COL14A1: variants seen among roughly 807,000 people sequenced by gnomAD.
COL14A1 encodes collagen alpha-1(XIV) chain.
Under a neutral mutation model 230.3 loss-of-function variants are expected in COL14A1, and 136 were observed. That is an observed-to-expected ratio of 0.59 (90% confidence interval 0.51 to 0.68). The LOEUF (loss-of-function observed/expected upper bound fraction) is 0.68, where lower values mean the gene tolerates loss of function less well. Among genes scored for constraint, COL14A1 ranks in the 30% least tolerant of loss-of-function variants. The probability of loss-of-function intolerance (pLI) is 0.00; values close to 1 mark genes in which losing one functional copy is unlikely to be tolerated. For missense variants in COL14A1, 1,976 were observed against 2,215.8 expected (o/e 0.89, Z 2.17); for synonymous variants, 792 against 784.1 (o/e 1.01, Z -0.17).
intron 5 of COL14A1, among the ~76,000 whole-genome samples, chr8:120,171,365 C>T (rs776498305): frequency 5.8e-4 from 88 of 152,246 alleles, no homozygotes; most frequent in Non-Finnish European, 1.0e-3. Context: ...AGTTATTTTG[C>T]TCACCATTTC....
At chr8:120,194,149 A>G (rs547943936) in intron 5 of COL14A1, among the ~76,000 whole-genome samples, 32 of 152,130 alleles carry the variant, frequency 2.1e-4, no homozygotes, top group Middle Eastern at 6.8e-3. Context: ...CGTCACTCAC[A>G]CTGGAAGCTG....
At chr8:120,167,098 T>C (rs1195725288) in intron 4 of COL14A1, among the ~76,000 whole-genome samples, 1 of 152,090 alleles carries the variant, frequency 6.6e-6, no homozygotes, top group Non-Finnish European at 1.5e-5. Flanking sequence ...ATTTAATCTC[T>C]GGGTAGCAGA....
intron 18 of COL14A1, among the ~76,000 whole-genome samples, chr8:120,229,553 A>G (rs1370618413): frequency 2.6e-5 from 4 of 152,204 alleles, no homozygotes; most frequent in African/African-American, 9.6e-5. Context: ...GCTATCGTGA[A>G]TAGTGCCACA....
chr8:120,368,948 T>C (rs895500230), intron 46 of COL14A1, among the ~76,000 whole-genome samples: 13 of 152,208 alleles, frequency 8.5e-5, no homozygotes, highest in Admixed American at 3.9e-4. Context: ...AGTGTGTTCA[T>C]GTTTGTGTCT....
At chr8:120,273,717 A>G (rs1819746601) in intron 26 of COL14A1, among the ~76,000 whole-genome samples, 2 of 151,386 alleles carry the variant, frequency 1.3e-5, no homozygotes, top group South Asian at 4.2e-4. Flanking sequence ...CCTGGAAACA[A>G]CAACCCCCCT....
upstream of COL14A1, among the ~76,000 whole-genome samples, chr8:120,124,907 C>G (rs550805076): frequency 4.6e-5 from 7 of 152,118 alleles, no homozygotes; most frequent in Non-Finnish European, 4.4e-5. Flanking sequence ...CTGGGGGGAC[C>G]GCCAGGTTCG....
chr8:120,292,547 G>A (rs1041004770), intron 34 of COL14A1, among the ~76,000 whole-genome samples: 1 of 151,900 alleles, frequency 6.6e-6, no homozygotes, highest in Non-Finnish European at 1.5e-5. Context: ...GCTTTTTGAG[G>A]GATATTACTT....
In COL14A1 at chr8:120,371,775, A is replaced by G. The variant is rs1472224752; in HGVS notation, c.*544A>G. On this transcript the variant is annotated 3_prime_UTR_variant, in exon 48 of 48. Transcript: ENST00000297848. The stretch of plus-strand genomic sequence containing the variant: ...TGGTAACTGGTTTCATGTGTATCCA[A>G]AAATCAGCATTTGGATTTAAGCTTT... The G allele has an allele frequency of 5.1e-6, 2 of 393,982 alleles. No homozygotes were observed. Among genetic ancestry groups the G allele is most frequent in the Non-Finnish European group, 4.5e-6 (1 of 222,902 alleles). The allele number at this position is 393,982 out of a possible 1,614,324, so 24.4% of individuals were successfully genotyped here.
At chr8:120,250,812 T>A in intron 22 of COL14A1, 46 bp downstream of exon 22, 1 of 1,605,392 alleles carries the variant, frequency 6.2e-7, no homozygotes, top group Non-Finnish European at 8.5e-7. Flanking sequence ...GGTTTTTGTT[T>A]TGTTTTGTTT....
chr8:120,341,487 C>G (rs1363781239), intron 43 of COL14A1, 127 bp downstream of exon 43: 21 of 1,043,638 alleles, frequency 2.0e-5, no homozygotes, highest in Non-Finnish European at 2.9e-5. Flanking sequence ...TCTGTTTCTC[C>G]CTTTCCCCAA....
intron 25 of COL14A1, among the ~76,000 whole-genome samples, chr8:120,267,828 G>A (rs11781561): frequency 0.62 from 93,460 of 151,500 alleles, 29,113 homozygotes; most frequent in African/African-American, 0.7. Flanking sequence ...AAGGAAGGGC[G>A]ATCTGATGAA....
chr8:120,311,152 G>A (rs1821023258), intron 37 of COL14A1, among the ~76,000 whole-genome samples: 1 of 152,150 alleles, frequency 6.6e-6, no homozygotes, highest in Non-Finnish European at 1.5e-5. Context: ...ACCATAAGAT[G>A]TCTCCTTTTT....
rs777422693 is a variant in COL14A1, at chr8:120,332,653, C to T, written c.4714-11C>T. 3 of 1,607,930 alleles carry T rather than the reference C, an allele frequency of 1.9e-6. No homozygotes were observed. The South Asian group carries it at 3.3e-5, about 18-fold the overall frequency. ...TCCTGACTTTGTTCCATTTTCCTAC[C>T]TCTCTTCTAGGGCATTCCTGGCACC... On this transcript the variant is annotated splice_polypyrimidine_tract_variant and intron_variant, in intron 41 of 47. Coordinates refer to ENST00000297848, the MANE Select transcript of COL14A1 (RefSeq NM_021110.4).
chr8:120,186,150 A>G (rs944165170), intron 5 of COL14A1, among the ~76,000 whole-genome samples: 2 of 152,232 alleles, frequency 1.3e-5, no homozygotes, highest in Non-Finnish European at 2.9e-5. Flanking sequence ...TTGCCAATGT[A>G]TTGAAAAACC....
chr8:120,206,812 T>A, intron 9 of COL14A1, 131 bp from the exon 10 acceptor site: 1 of 865,722 alleles, frequency 1.2e-6, no homozygotes, highest in Non-Finnish European at 1.7e-6. Flanking sequence ...GATAACTGAA[T>A]CAACTTATCT....
chr8:120,177,412 G>C (rs191856570), intron 5 of COL14A1, among the ~76,000 whole-genome samples: 2 of 152,114 alleles, frequency 1.3e-5, no homozygotes, highest in Admixed American at 1.3e-4. Context: ...ACTTTGGAAG[G>C]CTGAGGAGGG....
At chr8:120,159,672 A>T (rs6469902) in intron 3 of COL14A1, among the ~76,000 whole-genome samples, 125,792 of 152,050 alleles carry the variant, frequency 0.83, 52,530 homozygotes, top group African/African-American at 0.95. Flanking sequence ...CAAAAGGCCA[A>T]ATCTTTTATT....
intron 38 of COL14A1, 77 bp downstream of exon 38, chr8:120,314,104 C>A: frequency 9.6e-7 from 1 of 1,038,162 alleles, no homozygotes; most frequent in Non-Finnish European, 1.4e-6. Flanking sequence ...GAACTTTTGT[C>A]TTCTGTGTCT....
chr8:120,166,945 G>A (rs112587243), intron 4 of COL14A1, among the ~76,000 whole-genome samples: 1 of 150,348 alleles, frequency 6.7e-6, no homozygotes, highest in East Asian at 2.0e-4. Flanking sequence ...GTGGTGGTGG[G>A]GGTGCTCCAA....
Sources: gnomAD v4.1 joint callset for allele counts (sites outside exome capture counted in the v4.1 genomes callset) on GRCh38, gnomAD v4.1.1 for gene constraint, MANE v1.5 for transcripts, NCBI Gene and HGNC (gene_info 2026-07-23, HGNC 2026-07-21) for gene names.